The following CNBD1 variants were observed in gnomAD, a reference collection of about 807,000 sequenced individuals.
The protein encoded by CNBD1 is cyclic nucleotide binding domain containing 1.
In CNBD1, 71 loss-of-function variants were observed where a neutral mutation model predicts 54.4. The observed-to-expected ratio is 1.30, with a 90% CI of 1.08 to 1.59. The LOEUF is 1.59. Ranked by LOEUF, CNBD1 falls within the 40% of genes most tolerant of loss-of-function variation. The pLI is 0.00. For missense variants in CNBD1, 659 were observed against 518.0 expected (o/e 1.27, Z -2.64); for synonymous variants, 182 against 170.7 (o/e 1.07, Z -0.51).
At chr8:86,951,581 CAAAAAAAAAAA>C (rs71275901) in intron 4 of CNBD1, among the ~76,000 whole-genome samples, 750 of 37,328 alleles carry the variant, frequency 0.02, 8 homozygotes, top group African/African-American at 0.067. Context: ...CTCCGTCTCA[CAAAAAAAAAAA>C]AAAAAAAAAA....
At chr8:87,231,501 A>G (rs1336344365) in intron 5 of CNBD1, among the ~76,000 whole-genome samples, 1 of 152,166 alleles carries the variant, frequency 6.6e-6, no homozygotes, top group Non-Finnish European at 1.5e-5. Flanking sequence ...CAGTTTCCTC[A>G]GTTGTAAAGT....
chr8:87,240,707 G>GTTC (rs1807678794), intron 6 of CNBD1, among the ~76,000 whole-genome samples: 1 of 152,134 alleles, frequency 6.6e-6, no homozygotes, highest in South Asian at 2.1e-4. Flanking sequence ...GGAAAGGAAG[G>GTTC]AGGCTGGGAA....
chr8:87,363,115 G>C (rs1048285925), intron 10 of CNBD1, among the ~76,000 whole-genome samples: 1 of 152,004 alleles, frequency 6.6e-6, no homozygotes, highest in Non-Finnish European at 1.5e-5. Flanking sequence ...TTGGTTTTCT[G>C]TTGTTGTGTT....
In CNBD1 at chr8:87,327,680, C is replaced by A. The variant is rs150221028; in HGVS notation, c.1043-24005C>A. Among the ~76,000 whole-genome samples, 957 of 152,244 alleles carry A rather than the reference C, an allele frequency of 6.3e-3. 11 individuals are homozygous for A. Among genetic ancestry groups the A allele is most frequent in the African/African-American group, 0.022 (913 of 41,554 alleles). ...TTCGGCTCGTGCCCGGTGCGCACACCCACTGACCTGCGCCCACTGTCTGGC... is the reference window on the plus strand; with the variant it reads ...TTCGGCTCGTGCCCGGTGCGCACACACACTGACCTGCGCCCACTGTCTGGC... On this transcript the variant is annotated intron_variant, in intron 8 of 10. Coordinates refer to ENST00000518476, the MANE Select transcript of CNBD1 (RefSeq NM_173538.3).
chr8:87,387,524 G>A (rs1469579144), downstream of CNBD1, among the ~76,000 whole-genome samples: 1 of 152,102 alleles, frequency 6.6e-6, no homozygotes, highest in African/African-American at 2.4e-5. Context: ...ATTACATAAT[G>A]GTAAAGGGAT....
intron 8 of CNBD1, among the ~76,000 whole-genome samples, chr8:87,304,442 C>T (rs1053244270): frequency 2.8e-4 from 42 of 151,448 alleles, no homozygotes; most frequent in African/African-American, 1.0e-3. Flanking sequence ...ACAATGAGAA[C>T]ACATGGACAC....
At chr8:87,371,281 T>C (rs1810787152) in intron 10 of CNBD1, among the ~76,000 whole-genome samples, 1 of 152,018 alleles carries the variant, frequency 6.6e-6, no homozygotes, top group Non-Finnish European at 1.5e-5. Context: ...ATTGGTAGCT[T>C]GATGGGGATG....
At chr8:87,388,234 G>A (rs111267688) in intron 2 of CNBD1, among the ~76,000 whole-genome samples, 1 of 151,904 alleles carries the variant, frequency 6.6e-6, no homozygotes, top group African/African-American at 2.4e-5. Context: ...GGTAGCAGAA[G>A]GCAAGAAATA....
chr8:87,413,166 G>T lies in CNBD1; in HGVS notation c.214-15380G>T, dbSNP rs532257732. Among the ~76,000 whole-genome samples, 3 of 152,154 alleles carry T rather than the reference G, an allele frequency of 2.0e-5. No homozygotes were observed. In the South Asian group the frequency reaches 6.2e-4, roughly 32 times the overall value. Reference sequence around the variant, plus strand: ...TTATATCCTTGTGGGAACGTGGCTTGTGGATGAGGCTATGACACAGGGTTG... The same window carrying T: ...TTATATCCTTGTGGGAACGTGGCTTTTGGATGAGGCTATGACACAGGGTTG... On this transcript the variant is annotated intron_variant, in intron 2 of 7. Coordinates refer to the CNBD1 transcript ENST00000521593.
chr8:87,353,709 T>G lies in CNBD1; in HGVS notation c.1226T>G (p.Leu409Arg), dbSNP rs1303636043. 6.2e-7 allele frequency: 1 copy of G among 1,611,520 alleles called. No homozygotes were observed. Among genetic ancestry groups the G allele is most frequent in the African/African-American group, 1.3e-5 (1 of 74,870 alleles). ...TCCTTTGGTGAGATTAGCGTCCTTC[T>G]TCAAGTTCCTTTCACGTGCACAATC... is the stretch of plus-strand genomic sequence containing the variant. ...KESFGEISVL[L>R]QVPFTCTIIT... The change falls in exon 10 of 11, where the codon CTT becomes CGT. Residue 409 changes from leucine to arginine, a missense_variant. Physicochemically the swap from Leu to Arg is moderately radical, Grantham distance 102 (BLOSUM62 -2). Transcript: ENST00000518476.
At chr8:87,194,835 C>T (rs180838590) in intron 4 of CNBD1, among the ~76,000 whole-genome samples, 1 of 151,682 alleles carries the variant, frequency 6.6e-6, no homozygotes, top group African/African-American at 2.4e-5. Flanking sequence ...GCATTTGCAA[C>T]ATGATTTGTT....
At chr8:87,238,028 G>A (rs1275883458) in intron 6 of CNBD1, among the ~76,000 whole-genome samples, 3 of 137,978 alleles carry the variant, frequency 2.2e-5, no homozygotes, top group African/African-American at 6.8e-5. Context: ...AATATGCCAC[G>A]TTTAGCACAA....
chr8:87,315,260 A>G (rs188857503), intron 8 of CNBD1, among the ~76,000 whole-genome samples: 4 of 152,250 alleles, frequency 2.6e-5, no homozygotes, highest in South Asian at 2.1e-4. Flanking sequence ...ACAAAGCTCT[A>G]TACAAGCTGT....
chr8:87,345,886 G>A (rs1810165213), intron 8 of CNBD1, among the ~76,000 whole-genome samples: 1 of 152,012 alleles, frequency 6.6e-6, no homozygotes, highest in Non-Finnish European at 1.5e-5. Context: ...TTTCTACCTT[G>A]CATAAAGAGG....
At chr8:87,378,613 C>T (rs1341980088) in intron 10 of CNBD1, among the ~76,000 whole-genome samples, 2 of 148,682 alleles carry the variant, frequency 1.3e-5, no homozygotes, top group African/African-American at 5.1e-5. Context: ...GTTCTTTTGG[C>T]TTAGGATTGA....
chr8:87,179,469 A>G lies in CNBD1; in HGVS notation c.432-26524A>G, dbSNP rs140115472. On this transcript the variant is annotated intron_variant, in intron 4 of 10. Coordinates refer to ENST00000518476, the MANE Select transcript of CNBD1 (RefSeq NM_173538.3). ...AATGTAGATCTTCTACTCAGTATAA[A>G]TAAAAGGAAAACATGGTTAAATGCC... 2.6e-3 allele frequency among the ~76,000 whole-genome samples: 391 copies of G among 152,168 alleles called. 2 individuals are homozygous for G. Among genetic ancestry groups the G allele is most frequent in the African/African-American group, 8.7e-3 (360 of 41,508 alleles).
chr8:87,135,498 T>A (rs1344826606), intron 4 of CNBD1, among the ~76,000 whole-genome samples: 2 of 150,916 alleles, frequency 1.3e-5, no homozygotes, highest in Non-Finnish European at 3.0e-5. Context: ...ATTTTGATGA[T>A]GCTCATCTTT....
intron 10 of CNBD1, among the ~76,000 whole-genome samples, chr8:87,368,145 G>C (rs113237588): frequency 7.3e-6 from 1 of 136,550 alleles, no homozygotes; most frequent in African/African-American, 2.7e-5. Context: ...CTGGGTGACA[G>C]AGCGAGATTC....
intron 6 of CNBD1, among the ~76,000 whole-genome samples, chr8:87,272,244 T>C (rs528725964): frequency 1.3e-5 from 2 of 152,062 alleles, no homozygotes; most frequent in Admixed American, 1.3e-4. Context: ...ATTAGAATGA[T>C]CCTAGATAAA....
Sources: gnomAD v4.1 joint callset for allele counts (sites outside exome capture counted in the v4.1 genomes callset) on GRCh38, gnomAD v4.1.1 for gene constraint, MANE v1.5 for transcripts, NCBI Gene and HGNC (gene_info 2026-07-23, HGNC 2026-07-21) for gene names.